CDH17: variants seen among roughly 807,000 people sequenced by gnomAD.
CDH17 encodes cadherin 17, also known as cadherin-17.
Under a neutral mutation model 86.3 loss-of-function variants are expected in CDH17, and 67 were observed. The ratio of observed to expected loss-of-function variants is 0.78; its 90% CI spans 0.64 to 0.95. The LOEUF is 0.95. CDH17 is among the 40% of genes least tolerant of loss of function. The probability of loss-of-function intolerance (pLI) is 0.00; values close to 1 mark genes in which losing one functional copy is unlikely to be tolerated. For synonymous variants in CDH17, 367 were observed against 366.4 expected (o/e 1.00, Z -0.02); for missense variants, 993 against 1,017.6 (o/e 0.98, Z 0.33).
intron 1 of CDH17, among the ~76,000 whole-genome samples, chr8:94,207,838 T>C (rs1198936195): frequency 6.6e-6 from 1 of 152,084 alleles, no homozygotes; most frequent in African/African-American, 2.4e-5. Context: ...TAACCACACA[T>C]TAGCAGGTGG....
intron 1 of CDH17, among the ~76,000 whole-genome samples, chr8:94,199,083 A>ATATAT (rs1283889347): frequency 2.2e-4 from 5 of 23,222 alleles, no homozygotes; most frequent in African/African-American, 5.4e-4. Flanking sequence ...ATATATATAT[A>ATATAT]TTTTTTTTTT....
intron 15 of CDH17, among the ~76,000 whole-genome samples, chr8:94,136,509 T>A (rs555540662): frequency 1.1e-4 from 16 of 152,354 alleles, no homozygotes; most frequent in Admixed American, 1.0e-3. Context: ...TAAGGTCTTC[T>A]CTACACTGTT....
At chr8:94,206,352 G>C (rs1230000049) in intron 1 of CDH17, among the ~76,000 whole-genome samples, 2 of 152,098 alleles carry the variant, frequency 1.3e-5, no homozygotes, top group South Asian at 4.1e-4. Flanking sequence ...GATAATCAAC[G>C]AGCAGTTACA....
chr8:94,173,993 G>A lies in CDH17; in HGVS notation c.587C>T (p.Ser196Phe), dbSNP rs1227708186. 1 of 1,613,124 alleles carries A rather than the reference G, an allele frequency of 6.2e-7. No individual in the cohort carries two copies. The highest frequency in any genetic ancestry group is 1.7e-5 in the Admixed American group (1 of 60,004). Residue 196 changes from serine to phenylalanine, a missense_variant, in exon 7 of 18, where the codon TCT becomes TTT. Transcript: ENST00000027335. ...ATTCTTAGCAGGATTCAATTCCTGA[G>A]ATCCTGTGAGAAGTAGGGGAGAAGG... ...TGAISLTREG[S>F]QELNPAKNPS...
intron 1 of CDH17, among the ~76,000 whole-genome samples, chr8:94,205,136 A>G (rs1814000385): frequency 6.6e-6 from 1 of 152,190 alleles, no homozygotes; most frequent in Non-Finnish European, 1.5e-5. Flanking sequence ...GTGCAGCTAT[A>G]TACCCGCAAA....
intron 15 of CDH17, among the ~76,000 whole-genome samples, chr8:94,143,809 T>G (rs531972671): frequency 6.6e-6 from 1 of 152,360 alleles, no homozygotes; most frequent in Non-Finnish European, 1.5e-5. Flanking sequence ...GTTAAGGCCT[T>G]GTTCTAGGTT....
chr8:94,143,003 A>G (rs1586236490), intron 15 of CDH17, among the ~76,000 whole-genome samples: 1 of 152,306 alleles, frequency 6.6e-6, no homozygotes, highest in East Asian at 1.9e-4. Context: ...ATGAATCACA[A>G]ATGTTCTTGA....
At chr8:94,201,003 G>A (rs919424951) in intron 1 of CDH17, among the ~76,000 whole-genome samples, 3 of 152,082 alleles carry the variant, frequency 2.0e-5, no homozygotes, top group Admixed American at 6.5e-5. Context: ...ACAATGCCAG[G>A]CTAATTTTCA....
upstream of CDH17, among the ~76,000 whole-genome samples, chr8:94,210,225 G>GAAAA (rs1563594359): frequency 3.1e-4 from 5 of 16,118 alleles, no homozygotes; most frequent in Non-Finnish European, 6.3e-4. Context: ...CTTTATGCGA[G>GAAAA]TAAAAAAAAA....
At chr8:94,171,088 G>C (rs1813261207) in intron 7 of CDH17, 103 bp from the exon 8 acceptor site, 1 of 1,211,880 alleles carries the variant, frequency 8.3e-7, no homozygotes, top group African/African-American at 1.5e-5. Context: ...TGACAACCTT[G>C]TATGTTTGTG....
At chr8:94,136,199 C>T (rs11774532) in intron 15 of CDH17, among the ~76,000 whole-genome samples, 31,683 of 152,042 alleles carry the variant, frequency 0.21, 3,783 homozygotes, top group African/African-American at 0.31. Context: ...GAATGTTGGC[C>T]TGCCTTGCTA....
intron 1 of CDH17, among the ~76,000 whole-genome samples, chr8:94,200,935 G>A (rs972256171): frequency 6.6e-6 from 1 of 152,108 alleles, no homozygotes; most frequent in Non-Finnish European, 1.5e-5. Context: ...ACCTCTTAAA[G>A]ATGAAATGAA....
rs570908571 is a variant in CDH17, at chr8:94,177,460, C to T, written c.285+127G>A. 184 of 925,724 alleles carry T rather than the reference C, an allele frequency of 2.0e-4. 1 individual carries two copies. The African/African-American group carries it at 2.6e-3, about 13-fold the overall frequency. The allele number at this position is 925,724 out of a possible 1,614,324, so 57.3% of individuals were successfully genotyped here. A position where few individuals can be genotyped will look rare whatever the true frequency, so the allele number is the denominator to read the frequency against. On this transcript the variant is annotated intron_variant, in intron 4 of 17. Coordinates refer to ENST00000027335, the MANE Select transcript of CDH17 (RefSeq NM_004063.4). The stretch of plus-strand genomic sequence containing the variant: ...AAATGGACATGTGAGGATTGCAAAG[C>T]GTCCCATTAATGTAAGGAAAGCTGT...
At chr8:94,153,605 G>A (rs76502937) in intron 12 of CDH17, among the ~76,000 whole-genome samples, 1,592 of 152,048 alleles carry the variant, frequency 0.01, 23 homozygotes, top group African/African-American at 0.033. Flanking sequence ...CCTAAGTGTC[G>A]AACAACAAAC....
At chr8:94,197,829 TAAA>T (rs34799637) in intron 1 of CDH17, among the ~76,000 whole-genome samples, 7 of 121,388 alleles carry the variant, frequency 5.8e-5, no homozygotes, top group Non-Finnish European at 8.5e-5. Context: ...AGACTCTGTC[TAAA>T]AAAAAAAAAA....
intron 15 of CDH17, among the ~76,000 whole-genome samples, chr8:94,140,327 G>C (rs568439753): frequency 6.6e-6 from 1 of 152,216 alleles, no homozygotes; most frequent in Non-Finnish European, 1.5e-5. Flanking sequence ...CTACTTGGGA[G>C]GCTGAAGCAG....
intron 9 of CDH17, among the ~76,000 whole-genome samples, chr8:94,168,738 T>C (rs915825757): frequency 6.6e-6 from 1 of 152,134 alleles, no homozygotes; most frequent in African/African-American, 2.4e-5. Context: ...CACTATCCTC[T>C]TCCCAGATGA....
chr8:94,191,349 C>G (rs1416020376), intron 2 of CDH17, among the ~76,000 whole-genome samples: 3 of 151,948 alleles, frequency 2.0e-5, no homozygotes, highest in Non-Finnish European at 2.9e-5. Context: ...CCTGGATTGC[C>G]TACTTCAGAC....
chr8:94,194,616 G>T lies in CDH17; in HGVS notation c.51+19C>A, dbSNP rs1264358556. The T allele has an allele frequency of 5.2e-6, 8 of 1,543,914 alleles. No individual in the cohort carries two copies. The highest frequency in any genetic ancestry group is 1.7e-5 in the Admixed American group (1 of 58,836). On this transcript the variant is annotated intron_variant, in intron 2 of 17. Coordinates refer to ENST00000027335, the MANE Select transcript of CDH17 (RefSeq NM_004063.4). ...AATATTCTAGTAAACAAATAGAGAAGAACACCCTCTTCTCTTACCAAATAA... is the reference window on the plus strand; with the variant it reads ...AATATTCTAGTAAACAAATAGAGAATAACACCCTCTTCTCTTACCAAATAA...
Sources: allele counts gnomAD v4.1 joint callset (sites outside exome capture counted in the v4.1 genomes callset), GRCh38; gene constraint gnomAD v4.1.1; transcripts MANE v1.5; gene names NCBI Gene and HGNC (gene_info 2026-07-23, HGNC 2026-07-21).